TUNAR: variants seen among roughly 807,000 people sequenced by gnomAD.
The protein encoded by TUNAR is protein TUNAR.
At chr14:95,904,649 A>G (rs903660603) in intron 2 of TUNAR, among the ~76,000 whole-genome samples, 8 of 152,182 alleles carry the variant, frequency 5.3e-5, no homozygotes, top group African/African-American at 1.9e-4. Flanking sequence ...GAAACACAGA[A>G]GCTGTGGTTC....
exon 2 of TUNAR, chr14:95,877,121 C>G (rs1194162781): frequency 6.6e-6 from 1 of 152,256 alleles, no homozygotes; most frequent in East Asian, 1.9e-4. Context: ...CCGGGCCGGG[C>G]TGCGGCTCTG....
chr14:95,910,317 G>C (rs1396480297), intron 2 of TUNAR, among the ~76,000 whole-genome samples: 1 of 152,228 alleles, frequency 6.6e-6, no homozygotes, highest in African/African-American at 2.4e-5. Flanking sequence ...TTTGAGACCA[G>C]CCTGGGCAGC....
rs536445390 is a variant in TUNAR at position 95,891,363 on chromosome 14, A to G, written c.12+14186A>G. Among the ~76,000 whole-genome samples the G allele has an allele frequency of 2.0e-5, 3 of 152,282 alleles. No homozygotes were observed. The South Asian group carries it at 6.2e-4, about 32-fold the overall frequency. On this transcript the variant is annotated intron_variant, in intron 2 of 2. Coordinates refer to ENST00000678517, the Ensembl canonical transcript of TUNAR. ...TGACGGTTGATTCCTTTTTTGGAGAAAACCACTGGCTTTTGGAATAATTTT... is the reference window on the plus strand; with the variant it reads ...TGACGGTTGATTCCTTTTTTGGAGAGAACCACTGGCTTTTGGAATAATTTT...
chr14:95,917,855 T>G (rs759566708), intron 2 of TUNAR, among the ~76,000 whole-genome samples: 7 of 152,242 alleles, frequency 4.6e-5, no homozygotes, highest in Non-Finnish European at 5.9e-5. Flanking sequence ...TTTCATGGCT[T>G]TAGTATATTT....
At chr14:95,883,549 AC>A (rs1377497487) in intron 2 of TUNAR, among the ~76,000 whole-genome samples, 1 of 152,202 alleles carries the variant, frequency 6.6e-6, no homozygotes. Flanking sequence ...ATAGGCTGCT[AC>A]TGTTTCAGTA....
intron 2 of TUNAR, among the ~76,000 whole-genome samples, chr14:95,914,874 C>G (rs973059512): frequency 1.4e-4 from 22 of 152,178 alleles, no homozygotes; most frequent in African/African-American, 5.3e-4. Flanking sequence ...CCAGCTATAT[C>G]TGAAGCCAGA....
intron 2 of TUNAR, among the ~76,000 whole-genome samples, chr14:95,880,077 C>A (rs1421543311): frequency 6.6e-6 from 1 of 152,126 alleles, no homozygotes; most frequent in Admixed American, 6.5e-5. Flanking sequence ...GGCTTTGTGG[C>A]CTTGGGCAAA....
chr14:95,900,004 C>G (rs530040147), intron 2 of TUNAR, among the ~76,000 whole-genome samples: 1 of 152,346 alleles, frequency 6.6e-6, no homozygotes, highest in South Asian at 2.1e-4. Flanking sequence ...ACAGTGAAAT[C>G]ATTCAAAGGA....
intron 2 of TUNAR, among the ~76,000 whole-genome samples, chr14:95,897,788 G>A (rs1889289568): frequency 6.6e-6 from 1 of 152,200 alleles, no homozygotes; most frequent in South Asian, 2.1e-4. Flanking sequence ...CCATATTGTA[G>A]TTTGCTTCAT....
intron 2 of TUNAR, among the ~76,000 whole-genome samples, chr14:95,899,266 A>G (rs952729060): frequency 6.6e-6 from 1 of 152,112 alleles, no homozygotes; most frequent in Non-Finnish European, 1.5e-5. Flanking sequence ...GTGGCTTCTC[A>G]TTGGCCTGAT....
chr14:95,877,587 A>G (rs1888909649), intron 2 of TUNAR, among the ~76,000 whole-genome samples: 1 of 152,204 alleles, frequency 6.6e-6, no homozygotes, highest in Non-Finnish European at 1.5e-5. Flanking sequence ...ACTGAGGCTT[A>G]GAGAGGTTGA....
At chr14:95,919,048 A>G (rs556302507) in intron 2 of TUNAR, among the ~76,000 whole-genome samples, 32 of 152,316 alleles carry the variant, frequency 2.1e-4, no homozygotes, top group Admixed American at 7.2e-4. Context: ...AGACTCCATT[A>G]GAGACATGAC....
At chr14:95,903,643 T>C (rs1378551970) in intron 2 of TUNAR, among the ~76,000 whole-genome samples, 2 of 152,236 alleles carry the variant, frequency 1.3e-5, no homozygotes, top group Non-Finnish European at 2.9e-5. Flanking sequence ...CCGTTACCTA[T>C]TGCTGTGTTA....
At chr14:95,882,659 G>A (rs973478999) in intron 2 of TUNAR, among the ~76,000 whole-genome samples, 2 of 152,118 alleles carry the variant, frequency 1.3e-5, no homozygotes, top group Non-Finnish European at 2.9e-5. Context: ...TGTATTTCCA[G>A]GTGCTTCTGT....
In TUNAR at chr14:95,913,445, G is replaced by T. The variant is rs1336698682; in HGVS notation, c.13-9336G>T. Among the ~76,000 whole-genome samples the T allele has an allele frequency of 4.6e-5, 7 of 152,136 alleles. No individual in the cohort carries two copies. The East Asian group carries it at 1.4e-3, about 29-fold the overall frequency. On this transcript the variant is annotated intron_variant, in intron 2 of 2. Transcript: ENST00000678517. ...TGGTTTTCTGTTCCTGTGTTAGTTT[G>T]CTGAGAATGGTCACCATCATTTTCA...
At chr14:95,889,804 A>G (rs1238403786) in intron 2 of TUNAR, among the ~76,000 whole-genome samples, 1 of 152,038 alleles carries the variant, frequency 6.6e-6, no homozygotes. Context: ...CAGTGCAGAG[A>G]TGGCTGCTCT....
At chr14:95,916,284 GT>G (rs1889603766) in intron 2 of TUNAR, among the ~76,000 whole-genome samples, 1 of 152,082 alleles carries the variant, frequency 6.6e-6, no homozygotes, top group South Asian at 2.1e-4. Flanking sequence ...TTGTTCTCTT[GT>G]TTTTCTTTGT....
chr14:95,920,827 T>C (rs1248425102), intron 2 of TUNAR, among the ~76,000 whole-genome samples: 1 of 152,122 alleles, frequency 6.6e-6, no homozygotes, highest in Non-Finnish European at 1.5e-5. Context: ...AGCATTCGAA[T>C]GAGAGAAACA....
chr14:95,893,220 G>A (rs1889209857), intron 2 of TUNAR, among the ~76,000 whole-genome samples: 1 of 152,062 alleles, frequency 6.6e-6, no homozygotes, highest in Non-Finnish European at 1.5e-5. Context: ...GAGGTGGGAG[G>A]CCACCTGGGA....
Sources: allele counts gnomAD v4.1 joint callset (sites outside exome capture counted in the v4.1 genomes callset), GRCh38; gene constraint gnomAD v4.1.1; transcripts MANE v1.5; gene names NCBI Gene and HGNC (gene_info 2026-07-23, HGNC 2026-07-21).